RABL3: variants seen among roughly 807,000 people sequenced by gnomAD.
The protein encoded by RABL3 is rab-like protein 3.
A neutral mutation model predicts 31.8 loss-of-function variants in RABL3; 31 were observed. The observed-to-expected ratio is 0.97, with a 90% CI of 0.73 to 1.31. The LOEUF is 1.31. RABL3 is among the 40% of genes most tolerant of loss of function. The pLI, the probability that RABL3 is intolerant of heterozygous loss-of-function variation, is 0.00. For missense variants in RABL3, 263 were observed against 279.6 expected (o/e 0.94, Z 0.42); for synonymous variants, 97 against 99.9 (o/e 0.97, Z 0.18).
rs983592102 is a variant in RABL3, at chr3:120,688,318, T to C, written c.*1505A>G. ...TTCTACATACAGATCATGATTTGCA[T>C]AGCTTTCCTTTGTGTCAAAAAGAAA... is the stretch of plus-strand genomic sequence containing the variant. On this transcript the variant is annotated 3_prime_UTR_variant, in exon 8 of 8. Transcript: ENST00000273375. 1 of 152,630 alleles carries C rather than the reference T, an allele frequency of 6.6e-6. No individual in the cohort carries two copies. The highest frequency in any genetic ancestry group is 1.5e-5 in the Non-Finnish European group (1 of 68,026). 9.5% of individuals were successfully genotyped at this position (152,630 alleles called of 1,614,324 possible).
intron 2 of RABL3, among the ~76,000 whole-genome samples, chr3:120,714,702 A>C (rs545287482): frequency 1.3e-5 from 2 of 152,212 alleles, no homozygotes; most frequent in South Asian, 4.1e-4. Context: ...CAACATATCC[A>C]GTATTTTTTT....
At chr3:120,707,352 T>C (rs1030161029) in intron 3 of RABL3, among the ~76,000 whole-genome samples, 2 of 152,074 alleles carry the variant, frequency 1.3e-5, no homozygotes, top group African/African-American at 4.8e-5. Flanking sequence ...TCAGCATCAG[T>C]GGCACAGATT....
chr3:120,705,275 C>A (rs1370173463), intron 4 of RABL3, among the ~76,000 whole-genome samples: 1 of 152,086 alleles, frequency 6.6e-6, no homozygotes, highest in African/African-American at 2.4e-5. Context: ...TAATAAAAAT[C>A]CAACCAAAAT....
chr3:120,705,246 A>C (rs1576335037), intron 4 of RABL3, among the ~76,000 whole-genome samples: 1 of 152,228 alleles, frequency 6.6e-6, no homozygotes, highest in African/African-American at 2.4e-5. Flanking sequence ...CAATGTGATC[A>C]ATAGGTTCAA....
chr3:120,737,754 A>T (rs941340788), intron 1 of RABL3, among the ~76,000 whole-genome samples: 6 of 152,200 alleles, frequency 3.9e-5, no homozygotes, highest in African/African-American at 1.4e-4. Flanking sequence ...CAGGACCCTC[A>T]GCTGCAGGTC....
intron 5 of RABL3, among the ~76,000 whole-genome samples, chr3:120,694,906 AC>A (rs1278343471): frequency 1.3e-5 from 2 of 151,968 alleles, no homozygotes; most frequent in African/African-American, 4.8e-5. Flanking sequence ...ATTAATCATT[AC>A]AATAACTTTA....
At position 120,698,519 on chromosome 3, in the gene RABL3, C is replaced by T. The variant is rs368968684; in HGVS notation, c.438G>A (p.Gly146=). Reference sequence around the variant, plus strand: ...TTTCATGAATCTGGTCCAGTTTAGTCCCTATTACCAACAGTGGTATTTGGT... The same window carrying T: ...TTTCATGAATCTGGTCCAGTTTAGTTCCTATTACCAACAGTGGTATTTGGT... The part of the protein sequence containing the change: ...ADNQIPLLVI[G]TKLDQIHETK... Residue 146 remains glycine, a synonymous_variant, in exon 5 of 8, where the codon GGG becomes GGA. Coordinates refer to ENST00000273375, the MANE Select transcript of RABL3 (RefSeq NM_173825.5). 1.2e-6 allele frequency: 2 copies of T among 1,613,616 alleles called. No homozygotes were observed. The highest frequency in any genetic ancestry group is 2.2e-5 in the East Asian group (1 of 44,840).
chr3:120,725,498 G>A (rs910165224), intron 2 of RABL3, among the ~76,000 whole-genome samples: 5 of 152,150 alleles, frequency 3.3e-5, no homozygotes, highest in African/African-American at 9.7e-5. Flanking sequence ...ACATGCACAC[G>A]TATGTTTACT....
chr3:120,722,081 A>ATACCCCGATGTTATTCTGAC (rs1708749568), intron 2 of RABL3: 2 of 152,202 alleles, frequency 1.3e-5, no homozygotes, highest in South Asian at 4.1e-4. Flanking sequence ...CTTATCTGGA[A>ATACCCCGATGTTATTCTGAC]TACCCCGATG....
intron 2 of RABL3, among the ~76,000 whole-genome samples, chr3:120,713,836 A>C (rs185499078): frequency 1.0e-3 from 122 of 117,852 alleles, no homozygotes; most frequent in Non-Finnish European, 1.4e-3. Flanking sequence ...TTTGAGATGG[A>C]GTCTCACTCT....
chr3:120,700,310 A>G (rs779428977), intron 4 of RABL3, among the ~76,000 whole-genome samples: 4 of 152,120 alleles, frequency 2.6e-5, no homozygotes, highest in Non-Finnish European at 4.4e-5. Context: ...CTTTCAGACC[A>G]CTATATTTAA....
Position 120,687,810 on chromosome 3 carries a change from T to C in RABL3, c.*2013A>G, listed in dbSNP as rs1315023979. The C allele has an allele frequency of 6.6e-6, 1 of 151,538 alleles. No homozygotes were observed. Among genetic ancestry groups the C allele is most frequent in the East Asian group, 1.9e-4 (1 of 5,184 alleles). The allele number at this position is 151,538 out of a possible 1,614,324, so 9.4% of individuals were successfully genotyped here. On this transcript the variant is annotated 3_prime_UTR_variant, in exon 8 of 8. Transcript: ENST00000273375. ...TATTTATATATTTATTTATTTATTT[T>C]CTTTTAGTTGGAGTCTCACTCTGTC...
At position 120,686,470 on chromosome 3, in the gene RABL3, C is replaced by T. The variant is rs186688520; in HGVS notation, c.*3353G>A. Among the ~76,000 whole-genome samples, 13 of 145,638 alleles carry T rather than the reference C, an allele frequency of 8.9e-5. No individual in the cohort carries two copies. The East Asian group carries it at 2.9e-3, about 32-fold the overall frequency. ...TCCCTGCACATCATTTCCATGAAGTCCATGTCAGAATGAACAGAAAAACAA... is the reference window on the plus strand; with the variant it reads ...TCCCTGCACATCATTTCCATGAAGTTCATGTCAGAATGAACAGAAAAACAA... On this transcript the variant is annotated 3_prime_UTR_variant, in exon 8 of 8. Transcript: ENST00000273375.
intron 2 of RABL3, among the ~76,000 whole-genome samples, chr3:120,723,530 A>G (rs1444625318): frequency 6.6e-6 from 1 of 152,256 alleles, no homozygotes; most frequent in African/African-American, 2.4e-5. Flanking sequence ...CCTGAGGAAC[A>G]GCAATGCAAA....
In RABL3 at chr3:120,688,108, T is replaced by C. The variant is rs1708335701; in HGVS notation, c.*1715A>G. On this transcript the variant is annotated 3_prime_UTR_variant, in exon 8 of 8. Coordinates refer to ENST00000273375, the MANE Select transcript of RABL3 (RefSeq NM_173825.5). ...GCCTGGCCTATTTTTATTTTTTAAATAAGATAGAAAATAAAAAAATCAGGA... is the reference window on the plus strand; with the variant it reads ...GCCTGGCCTATTTTTATTTTTTAAACAAGATAGAAAATAAAAAAATCAGGA... The C allele has an allele frequency of 6.6e-6, 1 of 152,060 alleles. No individual in the cohort carries two copies. The highest frequency in any genetic ancestry group is 6.6e-5 in the Admixed American group (1 of 15,262). The allele number at this position is 152,060 out of a possible 1,614,324, so 9.4% of individuals were successfully genotyped here.
At chr3:120,696,463 A>G (rs535367088) in intron 5 of RABL3, among the ~76,000 whole-genome samples, 260 of 152,168 alleles carry the variant, frequency 1.7e-3, no homozygotes, top group Middle Eastern at 0.01. Flanking sequence ...CTGTACACTG[A>G]TAAAGGCCAA....
intron 2 of RABL3, among the ~76,000 whole-genome samples, chr3:120,718,729 A>G (rs1248766140): frequency 6.6e-6 from 1 of 152,246 alleles, no homozygotes; most frequent in Non-Finnish European, 1.5e-5. Context: ...GACATCCCAT[A>G]GATATTAGGA....
At position 120,731,457 on chromosome 3, in the gene RABL3, A is replaced by T. The variant is rs566015853; in HGVS notation, c.47-670T>A. Among the ~76,000 whole-genome samples the T allele has an allele frequency of 9.8e-5, 15 of 152,306 alleles. No homozygotes were observed. The South Asian group carries it at 2.9e-3, about 29-fold the overall frequency. On this transcript the variant is annotated intron_variant, in intron 1 of 7. Transcript: ENST00000273375. ...TACCTCTTCTACATCATGGCCCTTT[A>T]AGTCACCATTTGGTCTTCTTTTAGA...
intron 1 of RABL3, among the ~76,000 whole-genome samples, chr3:120,735,435 T>G (rs1708946541): frequency 6.9e-6 from 1 of 144,208 alleles, no homozygotes. Flanking sequence ...TCTTCTGTCT[T>G]GTCTTCTTTA....
Sources: allele counts gnomAD v4.1 joint callset (sites outside exome capture counted in the v4.1 genomes callset), GRCh38; gene constraint gnomAD v4.1.1; transcripts MANE v1.5; gene names NCBI Gene and HGNC (gene_info 2026-07-23, HGNC 2026-07-21).